Variants in TOX4 observed in about 807,000 individuals in gnomAD.
TOX4 encodes epidermal Langerhans cell protein LCP1.
TOX4 carries 12 observed loss-of-function variants against 61.0 expected under a neutral mutation model. That is an observed-to-expected ratio of 0.20 (90% confidence interval 0.13 to 0.32). The LOEUF (loss-of-function observed/expected upper bound fraction) is 0.32, where lower values mean the gene tolerates loss of function less well. TOX4 is among the 10% of genes least tolerant of loss of function. The pLI is 1.00. For synonymous variants in TOX4, 268 were observed against 274.8 expected (o/e 0.98, Z 0.24); for missense variants, 499 against 753.3 (o/e 0.66, Z 3.95).
chr14:21,498,822 C>G lies in TOX4; in HGVS notation c.*2216C>G. 1.8e-6 allele frequency: 1 copy of G among 558,138 alleles called. No individual in the cohort carries two copies. The highest frequency in any genetic ancestry group is 3.2e-6 in the Non-Finnish European group (1 of 313,230). 34.6% of individuals were successfully genotyped at this position (558,138 alleles called of 1,614,324 possible). ...AGAGTAGAAACCCTAGGGAGCAGTG[C>G]TTTTGGGTCCTAGAACCTGTTGAGT... On this transcript the variant is annotated 3_prime_UTR_variant, in exon 9 of 9. Coordinates refer to ENST00000448790, the MANE Select transcript of TOX4 (RefSeq NM_014828.4).
intron 2 of TOX4, chr14:21,482,556 T>G: frequency 2.1e-6 from 1 of 468,872 alleles, no homozygotes; most frequent in Non-Finnish European, 4.4e-6. Context: ...AACCAGCCCC[T>G]CCTTCAAAAA....
At chr14:21,477,797 G>T (rs951320269) in intron 2 of TOX4, among the ~76,000 whole-genome samples, 5 of 152,228 alleles carry the variant, frequency 3.3e-5, no homozygotes, top group African/African-American at 1.2e-4. Flanking sequence ...TGTTTAAAGA[G>T]AAAAGGGATT....
Position 21,498,044 on chromosome 14 carries a change from A to G in TOX4, c.*1438A>G. 1.9e-6 allele frequency: 1 copy of G among 536,682 alleles called. No homozygotes were observed. The highest frequency in any genetic ancestry group is 3.1e-5 in the East Asian group (1 of 32,062). 33.2% of individuals were successfully genotyped at this position (536,682 alleles called of 1,614,324 possible). On this transcript the variant is annotated 3_prime_UTR_variant, in exon 9 of 9. Coordinates refer to ENST00000448790, the MANE Select transcript of TOX4 (RefSeq NM_014828.4). Reference sequence around the variant, plus strand: ...TAGTTTGAACCTTCACAGCAACCCAATGAGGTAATACTCCCATTTCACATA... The same window carrying G: ...TAGTTTGAACCTTCACAGCAACCCAGTGAGGTAATACTCCCATTTCACATA...
chr14:21,494,813 G>A (rs1285806733), intron 7 of TOX4, among the ~76,000 whole-genome samples: 2 of 152,016 alleles, frequency 1.3e-5, no homozygotes, highest in Non-Finnish European at 2.9e-5. Context: ...CAGCTACTTG[G>A]GAGGCTGAGG....
rs774404325 is a variant in TOX4 at position 21,492,890 on chromosome 14, AGGCAGCAGCAGCT to A, written c.1276_1288del (p.Ala426LeufsTer72). 1.2e-6 allele frequency: 2 copies of A among 1,606,046 alleles called. No individual in the cohort carries two copies. On this transcript the variant is annotated frameshift_variant, in exon 7 of 9. Coordinates refer to ENST00000448790, the MANE Select transcript of TOX4 (RefSeq NM_014828.4). LOFTEE classifies it high-confidence loss of function. ...CAGATTGTCACTCGGTCAGTGTTGCAGGCAGCAGCAGCTGCTGCTGCTGCTGCTTCTATGCAAC... is the reference window on the plus strand; with the variant it reads ...CAGATTGTCACTCGGTCAGTGTTGCAGCTGCTGCTGCTGCTTCTATGCAAC...
chr14:21,489,381 G>C lies in TOX4; in HGVS notation c.788G>C (p.Ser263Thr). The change falls in exon 5 of 9, where the codon AGT becomes ACT. Residue 263 changes from serine (S) to threonine (T), a missense_variant. Ser to Thr is a moderately conservative substitution (Grantham distance 58). Coordinates refer to ENST00000448790, the MANE Select transcript of TOX4 (RefSeq NM_014828.4). The stretch of plus-strand genomic sequence containing the variant: ...AAAATTGTGGCCTCCATGTGGGATA[G>C]TCTTGGAGAGGAGCAAAAACAGGTG... ...VSKIVASMWD[S>T]LGEEQKQVYK... 6.2e-7 allele frequency: 1 copy of C among 1,613,248 alleles called. No homozygotes were observed. The highest frequency in any genetic ancestry group is 8.5e-7 in the Non-Finnish European group (1 of 1,179,816).
Position 21,499,150 on chromosome 14 carries a change from A to G in TOX4, c.*2544A>G. 6.2e-7 allele frequency: 1 copy of G among 1,606,500 alleles called. No individual in the cohort carries two copies. Among genetic ancestry groups the G allele is most frequent in the Non-Finnish European group, 8.5e-7 (1 of 1,173,064 alleles). On this transcript the variant is annotated 3_prime_UTR_variant, in exon 9 of 9. Coordinates refer to ENST00000448790, the MANE Select transcript of TOX4 (RefSeq NM_014828.4). Reference sequence around the variant, plus strand: ...TGGTGGAACGAACCTAGGAAATAAAAACTAGCTGCTTTTTAAGTTACACAA... The same window carrying G: ...TGGTGGAACGAACCTAGGAAATAAAGACTAGCTGCTTTTTAAGTTACACAA...
chr14:21,484,133 G>A (rs964190469), intron 2 of TOX4, among the ~76,000 whole-genome samples: 4 of 151,996 alleles, frequency 2.6e-5, no homozygotes, highest in Admixed American at 2.0e-4. Context: ...CTTATGCTCC[G>A]TGTGCTACTT....
Position 21,493,223 on chromosome 14 carries a change from C to A in TOX4, c.1607C>A (p.Thr536Asn), listed in dbSNP as rs1490156483. Reference protein sequence around the residue: ...AHTVEAPSPETICEMITDVVP... With the variant: ...AHTVEAPSPENICEMITDVVP... ...ACAGTGGAGGCACCTTCTCCTGAGACTATCTGTGAGATGATCACAGATGTA... is the reference window on the plus strand; with the variant it reads ...ACAGTGGAGGCACCTTCTCCTGAGAATATCTGTGAGATGATCACAGATGTA... Residue 536 changes from threonine to asparagine, a missense_variant, in exon 7 of 9, where the codon ACT (threonine) becomes AAT (asparagine). Physicochemically the swap from Thr to Asn is moderately conservative, Grantham distance 65. Transcript: ENST00000448790. The A allele has an allele frequency of 1.2e-6, 2 of 1,613,694 alleles. No individual in the cohort carries two copies. The highest frequency in any genetic ancestry group is 2.2e-5 in the South Asian group (2 of 91,042).
chr14:21,487,637 A>G lies in TOX4; in HGVS notation c.262A>G (p.Met88Val), dbSNP rs566823345. The G allele has an allele frequency of 1.9e-6, 3 of 1,614,044 alleles. No homozygotes were observed. Among genetic ancestry groups the G allele is most frequent in the South Asian group, 1.1e-5 (1 of 91,090 alleles). Residue 88 changes from methionine (M) to valine (V), a missense_variant, in exon 3 of 9, where the codon ATG becomes GTG. By Grantham distance (21) the Met-to-Val change is conservative. Around this residue, in one of 7 missense-constraint regions of TOX4, gnomAD observed 90 missense variants for 109.5 expected, o/e 0.82. Transcript: ENST00000448790. Reference sequence around the variant, plus strand: ...CCAGACATTGGACATGCCTGTGGGCATGACCCATGGCTTGATGGAGCAGGG... The same window carrying G: ...CCAGACATTGGACATGCCTGTGGGCGTGACCCATGGCTTGATGGAGCAGGG... ...GVQTLDMPVG[M>V]THGLMEQGGG... is the part of the protein sequence containing the mutation.
intron 2 of TOX4, among the ~76,000 whole-genome samples, chr14:21,478,839 T>C (rs1428425952): frequency 6.6e-6 from 1 of 151,904 alleles, no homozygotes; most frequent in Non-Finnish European, 1.5e-5. Flanking sequence ...ACAGTCTCCC[T>C]GTAGCCCAGG....
intron 2 of TOX4, among the ~76,000 whole-genome samples, chr14:21,481,202 A>G (rs1872291809): frequency 1.3e-5 from 2 of 152,142 alleles, no homozygotes; most frequent in South Asian, 2.1e-4. Context: ...TTTTTGAGAC[A>G]GAGTCTTGCT....
At chr14:21,483,849 C>T (rs967022266) in intron 2 of TOX4, among the ~76,000 whole-genome samples, 1 of 151,966 alleles carries the variant, frequency 6.6e-6, no homozygotes, top group Non-Finnish European at 1.5e-5. Flanking sequence ...GCTCTGTCAT[C>T]CAGGCTGGAG....
chr14:21,481,818 AAAGAG>A (rs1171688540), intron 2 of TOX4, among the ~76,000 whole-genome samples: 1 of 152,232 alleles, frequency 6.6e-6, no homozygotes, highest in South Asian at 2.1e-4. Context: ...GACAGACATA[AAAGAG>A]AAGACACTAT....
intron 5 of TOX4, among the ~76,000 whole-genome samples, chr14:21,491,424 A>G (rs921432915): frequency 5.9e-5 from 9 of 152,028 alleles, no homozygotes; most frequent in Non-Finnish European, 1.3e-4. Context: ...CAGTAGCACA[A>G]TCTTGGTTGA....
chr14:21,487,398 T>A, intron 2 of TOX4, 53 bp from the exon 3 acceptor site: 1 of 1,592,168 alleles, frequency 6.3e-7, no homozygotes, highest in Non-Finnish European at 8.6e-7. Context: ...CACTTAGTAG[T>A]ATGCCATTTC....
intron 2 of TOX4, chr14:21,482,743 AAAGT>A: frequency 3.9e-6 from 1 of 258,918 alleles, no homozygotes; most frequent in South Asian, 3.8e-5. Flanking sequence ...CCGCTAAAAT[AAAGT>A]AAGTTTAGGT....
In TOX4 at chr14:21,478,970, A is replaced by AT. The variant is rs11354281; in HGVS notation, c.75+1422dup. ...AGGTGTGCGCCACCACACCCAGCTA[A>AT]TTTTTTTTTTTTTTTTGAATTTTTG... is the stretch of plus-strand genomic sequence containing the variant. On this transcript the variant is annotated intron_variant, in intron 2 of 8. Transcript: ENST00000448790. Among the ~76,000 whole-genome samples, 283 of 140,410 alleles carry AT rather than the reference A, an allele frequency of 2.0e-3. 2 individuals are homozygous for AT. The highest frequency in any genetic ancestry group is 4.7e-3 in the African/African-American group (175 of 37,214). The allele number at this position is 140,410 out of a possible 152,430, so 92.1% of individuals were successfully genotyped here. A position where few individuals can be genotyped will look rare whatever the true frequency, so the allele number is the denominator to read the frequency against.
intron 7 of TOX4, 28 bp downstream of exon 7, chr14:21,493,285 C>G: frequency 6.4e-7 from 1 of 1,567,514 alleles, no homozygotes; most frequent in Non-Finnish European, 8.6e-7. Context: ...AGTCTTTAGT[C>G]TAGTGGAAAT....
Sources: gnomAD v4.1 joint callset for allele counts (sites outside exome capture counted in the v4.1 genomes callset) on GRCh38, gnomAD v4.1.1 for gene constraint, gnomAD v4.1.1 regional missense constraint, MANE v1.5 for transcripts, NCBI Gene and HGNC (gene_info 2026-07-23, HGNC 2026-07-21) for gene names.